Variants in PHACTR3 observed in about 807,000 individuals in gnomAD.
The protein encoded by PHACTR3 is phosphatase and actin regulator 3.
PHACTR3 carries 16 observed loss-of-function variants against 66.8 expected under a neutral mutation model. The observed-to-expected ratio is 0.24, with a 90% CI of 0.16 to 0.36. The LOEUF is 0.36. Ranked by LOEUF, PHACTR3 falls within the 10% of genes least tolerant of loss-of-function variation. The pLI, the probability that PHACTR3 is intolerant of heterozygous loss-of-function variation, is 1.00. For synonymous variants in PHACTR3, 323 were observed against 292.1 expected, an observed-to-expected ratio of 1.11 and a Z score of -1.08; for missense variants, 647 against 719.9, an observed-to-expected ratio of 0.90 and a Z score of 1.16.
intron 1 of PHACTR3, among the ~76,000 whole-genome samples, chr20:59,678,965 T>TG (rs576468250): frequency 0.036 from 2,720 of 74,526 alleles, 61 homozygotes; most frequent in African/African-American, 0.12. Context: ...CTGGGTGGGG[T>TG]GGGGGGGCAA....
intron 8 of PHACTR3, among the ~76,000 whole-genome samples, chr20:59,811,025 C>T (rs892370274): frequency 6.6e-6 from 1 of 152,248 alleles, no homozygotes; most frequent in Non-Finnish European, 1.5e-5. Context: ...GTCTGCCTTA[C>T]TTTCTTTCAT....
chr20:59,839,497 T>A lies in PHACTR3; in HGVS notation c.1385-872T>A, dbSNP rs1006327377. On this transcript the variant is annotated intron_variant, in intron 9 of 12. Coordinates refer to ENST00000371015, the MANE Select transcript of PHACTR3 (RefSeq NM_080672.5). ...TACCAGTGTTTCTAGGAGTGCTGAT[T>A]GTTGAAATCTCTTTCCTAGGAATGG... 3.9e-5 allele frequency among the ~76,000 whole-genome samples: 6 copies of A among 152,194 alleles called. 1 individual carries two copies. In the East Asian group the frequency reaches 1.2e-3, roughly 29 times the overall value.
intron 1 of PHACTR3, among the ~76,000 whole-genome samples, chr20:59,742,838 T>C (rs1349879151): frequency 6.6e-6 from 1 of 152,136 alleles, no homozygotes; most frequent in African/African-American, 2.4e-5. Context: ...TAGGAACATC[T>C]TCACACGTGG....
intron 1 of PHACTR3, among the ~76,000 whole-genome samples, chr20:59,638,715 T>A (rs575604203): frequency 1.6e-5 from 2 of 123,714 alleles, no homozygotes; most frequent in East Asian, 5.1e-4. Context: ...GATGGGTGGG[T>A]GGATGGATGG....
At chr20:59,797,441 T>C (rs1600673739) in intron 7 of PHACTR3, among the ~76,000 whole-genome samples, 1 of 152,166 alleles carries the variant, frequency 6.6e-6, no homozygotes, top group Non-Finnish European at 1.5e-5. Flanking sequence ...TCTGCACATA[T>C]TGTGGTACAA....
At chr20:59,656,752 A>T (rs2146464311) in intron 1 of PHACTR3, among the ~76,000 whole-genome samples, 1 of 151,710 alleles carries the variant, frequency 6.6e-6, no homozygotes, top group East Asian at 1.9e-4. Context: ...GCCTTAAATG[A>T]GTATTTTTAG....
intron 1 of PHACTR3, among the ~76,000 whole-genome samples, chr20:59,675,111 C>A (rs181052056): frequency 1.0e-5 from 1 of 98,464 alleles, no homozygotes; most frequent in East Asian, 5.0e-4. Context: ...CTTCCCTTCC[C>A]CCTCCTCCCC....
chr20:59,825,913 C>T (rs2042178841), intron 8 of PHACTR3, among the ~76,000 whole-genome samples: 1 of 152,038 alleles, frequency 6.6e-6, no homozygotes, highest in South Asian at 2.1e-4. Context: ...GATTAGCGCC[C>T]TCAAAAAAGG....
Position 59,830,155 on chromosome 20 carries a change from TGCGTGTCTGGTGG to T in PHACTR3, c.1329-6349_1329-6337del, listed in dbSNP as rs2042311553. Among the ~76,000 whole-genome samples, 1 of 151,074 alleles carries T rather than the reference TGCGTGTCTGGTGG, an allele frequency of 6.6e-6. No individual in the cohort carries two copies. The highest frequency in any genetic ancestry group is 2.5e-5 in the African/African-American group (1 of 40,562). The stretch of plus-strand genomic sequence containing the variant: ...AGAGGCTATGACAGACAGGAGCATG[TGCGTGTCTGGTGG>T]AAGAGGGTGTGCGTGTCTGATGGAA... On this transcript the variant is annotated intron_variant, in intron 8 of 12. Transcript: ENST00000371015. The surrounding 1 kb of genome is among the most constrained non-coding windows in gnomAD (Gnocchi z 5.8).
At chr20:59,660,435 A>C (rs1266952783) in intron 1 of PHACTR3, among the ~76,000 whole-genome samples, 1 of 152,234 alleles carries the variant, frequency 6.6e-6, no homozygotes, top group Non-Finnish European at 1.5e-5. Flanking sequence ...CGGAGCTTGC[A>C]GTGAGCCGAG....
chr20:59,686,580 TGTG>T (rs1333912087), intron 1 of PHACTR3, among the ~76,000 whole-genome samples: 2 of 120,710 alleles, frequency 1.7e-5, no homozygotes, highest in Non-Finnish European at 3.5e-5. Flanking sequence ...TCGTGATGAT[TGTG>T]ATGATGATGG....
chr20:59,627,625 G>A (rs1457480623), intron 1 of PHACTR3, among the ~76,000 whole-genome samples: 1 of 152,198 alleles, frequency 6.6e-6, no homozygotes, highest in Non-Finnish European at 1.5e-5. Context: ...GGAGAGGTGT[G>A]TGGTTGGATA....
chr20:59,621,878 T>C (rs896686864), intron 1 of PHACTR3, among the ~76,000 whole-genome samples: 7 of 152,204 alleles, frequency 4.6e-5, no homozygotes, highest in African/African-American at 1.4e-4. Context: ...ACTCCCCTCC[T>C]TTCTTCCCAG....
intron 1 of PHACTR3, among the ~76,000 whole-genome samples, chr20:59,581,880 CAAAAA>C (rs11478164): frequency 7.5e-6 from 1 of 133,472 alleles, no homozygotes; most frequent in Admixed American, 7.3e-5. Flanking sequence ...GACTCCGTCT[CAAAAA>C]AAAAAAAAAA....
At chr20:59,640,869 C>T (rs1332249828) in intron 1 of PHACTR3, among the ~76,000 whole-genome samples, 1 of 152,082 alleles carries the variant, frequency 6.6e-6, no homozygotes, top group Non-Finnish European at 1.5e-5. Flanking sequence ...CATTTGGCTT[C>T]TAAGTTGTAA....
chr20:59,674,562 T>G (rs1392265021), intron 1 of PHACTR3, among the ~76,000 whole-genome samples: 10 of 55,132 alleles, frequency 1.8e-4, no homozygotes, highest in South Asian at 8.6e-4. Context: ...CCTTCTCCTA[T>G]TCCCCGCTTC....
At chr20:59,769,687 G>T (rs777407404) in intron 5 of PHACTR3, among the ~76,000 whole-genome samples, 6 of 152,188 alleles carry the variant, frequency 3.9e-5, no homozygotes, top group Admixed American at 3.9e-4. Context: ...AAATCCAAGT[G>T]CAGGCATAGT....
At chr20:59,755,940 T>A (rs2039777013) in intron 4 of PHACTR3, among the ~76,000 whole-genome samples, 1 of 152,106 alleles carries the variant, frequency 6.6e-6, no homozygotes, top group African/African-American at 2.4e-5. Context: ...CAAGCCTCAG[T>A]TTCCCTCTGT....
chr20:59,665,058 A>G (rs768946672), intron 1 of PHACTR3, among the ~76,000 whole-genome samples: 2 of 152,214 alleles, frequency 1.3e-5, no homozygotes, highest in Non-Finnish European at 2.9e-5. Context: ...CAAATAATTT[A>G]TTCCAAGTAG....
Sources: gnomAD v4.1 joint callset for allele counts (sites outside exome capture counted in the v4.1 genomes callset) on GRCh38, gnomAD v4.1.1 for gene constraint, Gnocchi (gnomAD v3.1) non-coding constraint, MANE v1.5 for transcripts, NCBI Gene and HGNC (gene_info 2026-07-23, HGNC 2026-07-21) for gene names.